MAN2A1: variants seen among roughly 807,000 people sequenced by gnomAD.
The protein encoded by MAN2A1 is mannosidase alpha class 2A member 1, also known as alpha-mannosidase 2.
A neutral mutation model predicts 142.6 loss-of-function variants in MAN2A1; 76 were observed. The ratio of observed to expected loss-of-function variants is 0.53; its 90% CI spans 0.44 to 0.65. The LOEUF (loss-of-function observed/expected upper bound fraction) is 0.65. Ranked by LOEUF, MAN2A1 falls within the 30% of genes least tolerant of loss-of-function variation. The probability of loss-of-function intolerance (pLI) is 0.00; values close to 1 mark genes in which losing one functional copy is unlikely to be tolerated. For missense variants in MAN2A1, 1,311 were observed against 1,365.1 expected (o/e 0.96, Z 0.62); for synonymous variants, 559 against 473.2 (o/e 1.18, Z -2.35).
At chr5:109,748,927 C>T (rs1257567180) in intron 4 of MAN2A1, among the ~76,000 whole-genome samples, 1 of 151,030 alleles carries the variant, frequency 6.6e-6, no homozygotes, top group Non-Finnish European at 1.5e-5. Flanking sequence ...TAGATATTCT[C>T]CAGGAAAGGA....
intron 1 of MAN2A1, among the ~76,000 whole-genome samples, chr5:109,705,718 C>T (rs900649580): frequency 6.6e-6 from 1 of 152,208 alleles, no homozygotes; most frequent in African/African-American, 2.4e-5. Flanking sequence ...ACAGGCCCTA[C>T]TGGACTAAAA....
At chr5:109,785,369 G>A (rs1361160183) in intron 10 of MAN2A1, among the ~76,000 whole-genome samples, 4 of 149,288 alleles carry the variant, frequency 2.7e-5, no homozygotes, top group Non-Finnish European at 5.9e-5. Context: ...TTTTTTAAGA[G>A]GCATATTGAC....
intron 3 of MAN2A1, among the ~76,000 whole-genome samples, chr5:109,721,624 C>T (rs1198817391): frequency 6.6e-6 from 1 of 152,116 alleles, no homozygotes. Context: ...CGCTGTATGG[C>T]TATTTAGAAT....
In MAN2A1 at chr5:109,869,547, T is replaced by C. The variant is rs2112457475; in HGVS notation, c.*2549T>C. 6.6e-6 allele frequency: 1 copy of C among 152,322 alleles called. No homozygotes were observed. Among genetic ancestry groups the C allele is most frequent in the South Asian group, 2.1e-4 (1 of 4,828 alleles). 9.4% of individuals were successfully genotyped at this position (152,322 alleles called of 1,614,324 possible). A position where few individuals can be genotyped will look rare whatever the true frequency, so the allele number is the denominator to read the frequency against. On this transcript the variant is annotated 3_prime_UTR_variant, in exon 22 of 22. Transcript: ENST00000261483. ...TCACCTTGGAATCAACAGGTTTTGATATTTTCTCTTGGAAGATTTTATATC... is the reference window on the plus strand; with the variant it reads ...TCACCTTGGAATCAACAGGTTTTGACATTTTCTCTTGGAAGATTTTATATC...
chr5:109,862,211 A>T (rs1270615195), intron 20 of MAN2A1: 1 of 152,212 alleles, frequency 6.6e-6, no homozygotes, highest in African/African-American at 2.4e-5. Context: ...GGTTCATGGT[A>T]GAAAAAATCA....
chr5:109,817,465 AG>A lies in MAN2A1; in HGVS notation c.2109+29del, dbSNP rs751993772. On this transcript the variant is annotated intron_variant, in intron 13 of 21. Coordinates refer to ENST00000261483, the MANE Select transcript of MAN2A1 (RefSeq NM_002372.4). ...TATGTTGTAGCCATAGAACTTAAGGAGGCATTGTAAAACAAACCTAGCCAGT... is the reference window on the plus strand; with the variant it reads ...TATGTTGTAGCCATAGAACTTAAGGAGCATTGTAAAACAAACCTAGCCAGT... 3.8e-5 allele frequency: 62 copies of A among 1,610,614 alleles called. No individual in the cohort carries two copies. In the South Asian group the frequency reaches 5.7e-4, roughly 15 times the overall value.
At chr5:109,706,272 G>C (rs1019935901) in intron 1 of MAN2A1, among the ~76,000 whole-genome samples, 1 of 152,166 alleles carries the variant, frequency 6.6e-6, no homozygotes, top group African/African-American at 2.4e-5. Flanking sequence ...ATTTTGGTTG[G>C]CTTCAGAGTC....
intron 14 of MAN2A1, 57 bp downstream of exon 14, chr5:109,819,944 G>A (rs1754578942): frequency 8.0e-6 from 10 of 1,248,922 alleles, no homozygotes; most frequent in Admixed American, 2.3e-5. Context: ...GCTACAATGT[G>A]TGTAGATTAA....
intron 12 of MAN2A1, chr5:109,804,073 C>A: frequency 1.6e-6 from 1 of 638,602 alleles, no homozygotes; most frequent in Non-Finnish European, 2.0e-6. Flanking sequence ...CAAAGCAGTT[C>A]AGAACATAGA....
intron 20 of MAN2A1, 89 bp from the exon 21 acceptor site, chr5:109,864,947 G>C: frequency 1.1e-6 from 1 of 901,856 alleles, no homozygotes; most frequent in Non-Finnish European, 1.8e-6. Flanking sequence ...TGTGCTTTTG[G>C]ATGCTGACAT....
At chr5:109,821,230 A>G (rs142152610) in intron 15 of MAN2A1, among the ~76,000 whole-genome samples, 165 of 152,126 alleles carry the variant, frequency 1.1e-3, no homozygotes, top group African/African-American at 3.8e-3. Context: ...TTGCATGTAC[A>G]TATTTTGTTT....
intron 12 of MAN2A1, among the ~76,000 whole-genome samples, chr5:109,805,484 G>C (rs978019625): frequency 3.9e-5 from 6 of 152,128 alleles, no homozygotes; most frequent in Non-Finnish European, 7.4e-5. Flanking sequence ...AGTTGCATTT[G>C]CAACTACAAA....
At chr5:109,793,479 T>C (rs1036974154) in intron 12 of MAN2A1, among the ~76,000 whole-genome samples, 29 of 152,140 alleles carry the variant, frequency 1.9e-4, no homozygotes, top group African/African-American at 6.8e-4. Context: ...ACACCAGATA[T>C]GCATAGAAGA....
rs759713980 is a variant in MAN2A1, at chr5:109,784,702, AGT to A, written c.1578-39_1578-38del. The A allele has an allele frequency of 5.5e-6, 8 of 1,450,492 alleles. No individual in the cohort carries two copies. In the South Asian group the frequency reaches 5.8e-5, roughly 10 times the overall value. 89.9% of individuals were successfully genotyped at this position (1,450,492 alleles called of 1,614,324 possible). A position where few individuals can be genotyped will look rare whatever the true frequency, so the allele number is the denominator to read the frequency against. Reference sequence around the variant, plus strand: ...TCACAAGTTTTAGATTATAAGCTAAAGTGTTTGTTTTAAAATAAAAATATGAC... The same window carrying A: ...TCACAAGTTTTAGATTATAAGCTAAAGTTTGTTTTAAAATAAAAATATGAC... On this transcript the variant is annotated intron_variant, in intron 9 of 21. Coordinates refer to ENST00000261483, the MANE Select transcript of MAN2A1 (RefSeq NM_002372.4).
chr5:109,739,440 A>G (rs1221058662), intron 4 of MAN2A1, among the ~76,000 whole-genome samples: 1 of 151,916 alleles, frequency 6.6e-6, no homozygotes, highest in Non-Finnish European at 1.5e-5. Context: ...TCTTTTTCAT[A>G]TGCATTTTTA....
intron 17 of MAN2A1, 76 bp from the exon 18 acceptor site, chr5:109,845,789 A>G: frequency 8.6e-7 from 1 of 1,163,848 alleles, no homozygotes; most frequent in South Asian, 1.9e-5. Flanking sequence ...TGGGAAGAAA[A>G]ATCACCTGTC....
intron 7 of MAN2A1, among the ~76,000 whole-genome samples, 159 bp downstream of exon 7, chr5:109,770,700 C>G (rs1165171320): frequency 6.6e-6 from 1 of 152,002 alleles, no homozygotes; most frequent in Non-Finnish European, 1.5e-5. Flanking sequence ...AATGCCAGAG[C>G]CTTGACTATG....
rs527576910 is a variant in MAN2A1 at position 109,832,526 on chromosome 5, G to T, written c.2566+8689G>T. Among the ~76,000 whole-genome samples, 48 of 152,254 alleles carry T rather than the reference G, an allele frequency of 3.2e-4. No homozygotes were observed. The East Asian group carries it at 7.7e-3, about 25-fold the overall frequency. On this transcript the variant is annotated intron_variant, in intron 16 of 21. Coordinates refer to ENST00000261483, the MANE Select transcript of MAN2A1 (RefSeq NM_002372.4). Reference sequence around the variant, plus strand: ...AGATTAACAGCATCCCAAGGCAGAAGAATTTTTCTTAGTACAGCACAAAAT... The same window carrying T: ...AGATTAACAGCATCCCAAGGCAGAATAATTTTTCTTAGTACAGCACAAAAT...
chr5:109,839,869 AT>A (rs1755155085), intron 16 of MAN2A1, among the ~76,000 whole-genome samples: 1 of 151,536 alleles, frequency 6.6e-6, no homozygotes, highest in African/African-American at 2.4e-5. Flanking sequence ...TGTTATTTTT[AT>A]TTTAGAATTT....
Sources: gnomAD v4.1 joint callset for allele counts (sites outside exome capture counted in the v4.1 genomes callset) on GRCh38, gnomAD v4.1.1 for gene constraint, MANE v1.5 for transcripts, NCBI Gene and HGNC (gene_info 2026-07-23, HGNC 2026-07-21) for gene names.